GRID2: variants seen among roughly 807,000 people sequenced by gnomAD.
The protein encoded by GRID2 is glutamate receptor ionotropic, delta-2.
In GRID2, 33 loss-of-function variants were observed where a neutral mutation model predicts 114.8. The observed-to-expected ratio is 0.29, with a 90% confidence interval of 0.22 to 0.38. The LOEUF (loss-of-function observed/expected upper bound fraction) is 0.38, where lower values mean the gene tolerates loss of function less well. GRID2 is among the 10% of genes least tolerant of loss of function. GRID2 has a pLI of 1.00. For synonymous variants in GRID2, 505 were observed against 449.9 expected (o/e 1.12, Z -1.55); for missense variants, 1,184 against 1,257.7 (o/e 0.94, Z 0.89).
intron 8 of GRID2, among the ~76,000 whole-genome samples, chr4:93,392,683 A>G (rs1298099400): frequency 2.6e-5 from 4 of 151,936 alleles, no homozygotes; most frequent in Non-Finnish European, 4.4e-5. Context: ...GCCCAGGAGT[A>G]TAAAACAAAA....
chr4:93,689,085 G>A lies in GRID2; in HGVS notation c.2360+62650G>A, dbSNP rs201200298. ...AGATGAAATTAGTACACAAACACACGCAGAGAGAAGACGACGTGAAGACAA... is the reference window on the plus strand; with the variant it reads ...AGATGAAATTAGTACACAAACACACACAGAGAGAAGACGACGTGAAGACAA... On this transcript the variant is annotated intron_variant, in intron 14 of 15. Coordinates refer to ENST00000282020, the MANE Select transcript of GRID2 (RefSeq NM_001510.4). Among the ~76,000 whole-genome samples the A allele has an allele frequency of 1.2e-4, 19 of 152,020 alleles. No homozygotes were observed. The East Asian group carries it at 2.5e-3, about 20-fold the overall frequency.
At chr4:93,311,426 A>G (rs1017630236) in intron 8 of GRID2, among the ~76,000 whole-genome samples, 4 of 152,106 alleles carry the variant, frequency 2.6e-5, no homozygotes, top group Non-Finnish European at 4.4e-5. Context: ...TTCTTCTCAG[A>G]AGGGAGAAAA....
chr4:93,182,198 T>C (rs1404536025), intron 4 of GRID2, among the ~76,000 whole-genome samples: 1 of 152,188 alleles, frequency 6.6e-6, no homozygotes, highest in Non-Finnish European at 1.5e-5. Context: ...TTCCTTAAAC[T>C]ACCTCATGCA....
intron 11 of GRID2, among the ~76,000 whole-genome samples, chr4:93,479,439 G>T (rs1725643848): frequency 2.0e-5 from 3 of 152,066 alleles, no homozygotes; most frequent in Admixed American, 2.0e-4. Context: ...AGAGAAATTG[G>T]CTCACATGAT....
At chr4:93,551,772 C>T (rs1733773746) in intron 13 of GRID2, among the ~76,000 whole-genome samples, 1 of 152,152 alleles carries the variant, frequency 6.6e-6, no homozygotes, top group Non-Finnish European at 1.5e-5. Context: ...ATTGCTTTTG[C>T]ACCAACCTAA....
chr4:92,585,470 T>C (rs1373467354), intron 1 of GRID2, among the ~76,000 whole-genome samples: 1 of 152,034 alleles, frequency 6.6e-6, no homozygotes, highest in Non-Finnish European at 1.5e-5. Flanking sequence ...GAAATATTTA[T>C]GCACAAATGT....
At chr4:92,784,089 A>G (rs1415188047) in intron 2 of GRID2, among the ~76,000 whole-genome samples, 1 of 151,914 alleles carries the variant, frequency 6.6e-6, no homozygotes, top group African/African-American at 2.4e-5. Context: ...TGTTTTTATG[A>G]TGATATCAAA....
intron 3 of GRID2, among the ~76,000 whole-genome samples, chr4:93,108,175 T>TGCAAAATATATC (rs1418410985): frequency 2.0e-5 from 3 of 152,312 alleles, no homozygotes; most frequent in East Asian, 3.9e-4. Flanking sequence ...GAAACCTTCC[T>TGCAAAATATATC]CTAAGTAAAA....
At chr4:93,790,173 G>T (rs969287085) in intron 1 of GRID2, among the ~76,000 whole-genome samples, 1 of 145,726 alleles carries the variant, frequency 6.9e-6, no homozygotes, top group Non-Finnish European at 1.5e-5. Context: ...ACCTGTCCCT[G>T]GTGCCAAAAA....
At chr4:92,743,894 G>T (rs1352557802) in intron 2 of GRID2, among the ~76,000 whole-genome samples, 1 of 152,182 alleles carries the variant, frequency 6.6e-6, no homozygotes, top group Non-Finnish European at 1.5e-5. Flanking sequence ...GAATTTTTAT[G>T]TTTGACATAT....
chr4:92,884,855 G>A, intron 2 of GRID2: 2 of 399,034 alleles, frequency 5.0e-6, no homozygotes, highest in African/African-American at 2.1e-5. Flanking sequence ...TACTAAGTAT[G>A]TCCATACAGT....
intron 4 of GRID2, among the ~76,000 whole-genome samples, chr4:93,194,547 T>C (rs1052517321): frequency 2.0e-5 from 3 of 152,186 alleles, no homozygotes; most frequent in Non-Finnish European, 4.4e-5. Context: ...CTTTTCATAA[T>C]CCTAATAAGT....
At chr4:93,678,335 C>A in intron 14 of GRID2, among the ~76,000 whole-genome samples, 1 of 152,106 alleles carries the variant, frequency 6.6e-6, no homozygotes, top group East Asian at 1.9e-4. Flanking sequence ...AGAATGGAAC[C>A]AAGTTGGAAA....
At chr4:92,606,605 C>T (rs2149224193) in intron 2 of GRID2, among the ~76,000 whole-genome samples, 1 of 151,980 alleles carries the variant, frequency 6.6e-6, no homozygotes, top group East Asian at 1.9e-4. Flanking sequence ...CTGTCTTGTC[C>T]TTTATCCTTT....
chr4:93,105,775 G>A (rs565378322), intron 3 of GRID2, among the ~76,000 whole-genome samples: 4 of 152,250 alleles, frequency 2.6e-5, no homozygotes, highest in South Asian at 4.1e-4. Flanking sequence ...TCCCTTTGAT[G>A]CTCCTGTTCT....
chr4:93,530,734 A>G (rs1034301447), intron 13 of GRID2, among the ~76,000 whole-genome samples: 5 of 152,142 alleles, frequency 3.3e-5, no homozygotes, highest in African/African-American at 1.2e-4. Flanking sequence ...TACCTGATTC[A>G]TCAGTGTATC....
intron 13 of GRID2, among the ~76,000 whole-genome samples, chr4:93,593,003 C>T (rs1379412569): frequency 2.7e-4 from 41 of 149,498 alleles, no homozygotes; most frequent in South Asian, 6.4e-4. Context: ...GGTCTTGACT[C>T]TTTATCCAAT....
At chr4:92,943,898 G>A (rs145575006) in intron 2 of GRID2, among the ~76,000 whole-genome samples, 6 of 152,248 alleles carry the variant, frequency 3.9e-5, no homozygotes, top group South Asian at 2.1e-4. Context: ...GCAGAACAGC[G>A]GCTACTGGTG....
chr4:93,255,790 T>G (rs1206485652), intron 8 of GRID2, among the ~76,000 whole-genome samples: 1 of 152,060 alleles, frequency 6.6e-6, no homozygotes, highest in African/African-American at 2.4e-5. Context: ...CTTCTTGAAC[T>G]TCCCAGACTA....
Sources: allele counts gnomAD v4.1 joint callset (sites outside exome capture counted in the v4.1 genomes callset), GRCh38; gene constraint gnomAD v4.1.1; transcripts MANE v1.5; gene names NCBI Gene and HGNC (gene_info 2026-07-23, HGNC 2026-07-21).